Variants in ZBTB17 observed in about 807,000 individuals in gnomAD.
ZBTB17 encodes the protein zinc finger and BTB domain-containing protein 17.
In ZBTB17, 24 loss-of-function variants were observed where a neutral mutation model predicts 85.1. The observed-to-expected ratio is 0.28, with a 90% CI of 0.20 to 0.40. ZBTB17 has a LOEUF of 0.40. Ranked by LOEUF, ZBTB17 falls within the 10% of genes least tolerant of loss-of-function variation. The pLI is 1.00. For missense variants in ZBTB17, 743 were observed against 1,105.1 expected, an observed-to-expected ratio of 0.67 and a Z score of 4.65; for synonymous variants, 464 against 460.2, an observed-to-expected ratio of 1.01 and a Z score of -0.11.
intron 2 of ZBTB17, among the ~76,000 whole-genome samples, chr1:15,967,548 G>C (rs566422083): frequency 6.6e-6 from 1 of 151,992 alleles, no homozygotes; most frequent in Non-Finnish European, 1.5e-5. Flanking sequence ...GGAGGAGAGG[G>C]GGGTAACTTA....
At chr1:15,948,253 G>T in intron 3 of ZBTB17, 38 bp downstream of exon 3, 1 of 1,611,632 alleles carries the variant, frequency 6.2e-7, no homozygotes, top group South Asian at 1.1e-5. Context: ...CATAGCTTCT[G>T]GCTATCAGCA....
chr1:15,960,789 G>A (rs2072231191), intron 2 of ZBTB17, among the ~76,000 whole-genome samples: 1 of 152,234 alleles, frequency 6.6e-6, no homozygotes, highest in Non-Finnish European at 1.5e-5. Flanking sequence ...AACTGGAAAT[G>A]GATGTAGCTG....
In ZBTB17 at chr1:15,944,485, C is replaced by T. The variant is rs556511225; in HGVS notation, c.1186G>A (p.Gly396Ser). The change falls in exon 9 of 16, where the codon GGC becomes AGC. Residue 396 changes from glycine to serine, a missense_variant. This residue lies in a region of ZBTB17 where 321 missense variants were observed against 615.7 expected (regional missense o/e 0.52). Coordinates refer to ENST00000375743, the MANE Select transcript of ZBTB17 (RefSeq NM_003443.3). Reference protein sequence around the residue: ...GEARYRCEDCGKLFTTSGNLK... With the variant: ...GEARYRCEDCSKLFTTSGNLK... ...TTGCCCGAGGTGGTGAAGAGCTTGC[C>T]GCAGTCCTCGCAGCGGTAGCGCGCC... 31 of 1,576,724 alleles carry T rather than the reference C, an allele frequency of 2.0e-5. No individual in the cohort carries two copies. Among genetic ancestry groups the T allele is most frequent in the Middle Eastern group, 1.7e-4 (1 of 5,746 alleles).
Position 15,942,430 on chromosome 1 carries a change from G to A in ZBTB17, c.2039-10C>T. On this transcript the variant is annotated splice_polypyrimidine_tract_variant and intron_variant, in intron 14 of 15. Coordinates refer to ENST00000375743, the MANE Select transcript of ZBTB17 (RefSeq NM_003443.3). ...GCTCCCACCGGCACCACTGCGGGCA[G>A]AGTCGCAGGGCCTAAGGTGAAGGCA... is the stretch of plus-strand genomic sequence containing the variant. 4 of 1,613,066 alleles carry A rather than the reference G, an allele frequency of 2.5e-6. No homozygotes were observed.
Position 15,952,810 on chromosome 1 carries a change from C to T in ZBTB17, c.-2-4313G>A, listed in dbSNP as rs958297415. Reference sequence around the variant, plus strand: ...GCGAGGGACACACTTTCCTGGACCTCCCAGCCCAGCTGTGCGCTGCTGCAC... The same window carrying T: ...GCGAGGGACACACTTTCCTGGACCTTCCAGCCCAGCTGTGCGCTGCTGCAC... On this transcript the variant is annotated intron_variant, in intron 2 of 15. Transcript: ENST00000375743. The surrounding 1 kb of genome is among the most constrained non-coding windows in gnomAD (Gnocchi z 4.3). 2.0e-5 allele frequency: 3 copies of T among 152,408 alleles called. No individual in the cohort carries two copies. Among genetic ancestry groups the T allele is most frequent in the African/African-American group, 7.2e-5 (3 of 41,468 alleles). 9.4% of individuals were successfully genotyped at this position (152,408 alleles called of 1,614,324 possible). A position where few individuals can be genotyped will look rare whatever the true frequency, so the allele number is the denominator to read the frequency against.
At chr1:15,955,286 A>C (rs1018468785) in intron 2 of ZBTB17, among the ~76,000 whole-genome samples, 1 of 152,246 alleles carries the variant, frequency 6.6e-6, no homozygotes, top group South Asian at 2.1e-4. Flanking sequence ...TATCCCTTTG[A>C]GTGCAAGACA....
At chr1:15,949,112 C>T (rs562881879) in intron 2 of ZBTB17, among the ~76,000 whole-genome samples, 59 of 152,232 alleles carry the variant, frequency 3.9e-4, no homozygotes, top group African/African-American at 1.3e-3. Flanking sequence ...CCTAGAGTTG[C>T]GGAGTCTTCT....
At chr1:15,955,078 C>T (rs57680346) in intron 2 of ZBTB17, among the ~76,000 whole-genome samples, 9,498 of 152,162 alleles carry the variant, frequency 0.062, 385 homozygotes, top group Non-Finnish European at 0.082. Flanking sequence ...CACTTGAACC[C>T]GGGAGGCGGA....
In ZBTB17 at chr1:15,952,749, G is replaced by A. The variant is rs2071907986; in HGVS notation, c.-2-4252C>T. On this transcript the variant is annotated intron_variant, in intron 2 of 15. Coordinates refer to ENST00000375743, the MANE Select transcript of ZBTB17 (RefSeq NM_003443.3). This position sits in a 1 kb window ranked among gnomAD's most constrained non-coding sequence, Gnocchi z 4.3. Reference sequence around the variant, plus strand: ...CTCTGGGGAGAGGGCACATGGAGAAGAGCAGAGAGGCCACTGACAGCACCA... The same window carrying A: ...CTCTGGGGAGAGGGCACATGGAGAAAAGCAGAGAGGCCACTGACAGCACCA... 1.3e-5 allele frequency among the ~76,000 whole-genome samples: 2 copies of A among 152,246 alleles called. No individual in the cohort carries two copies. The highest frequency in any genetic ancestry group is 1.9e-4 in the East Asian group (1 of 5,202).
Position 15,942,716 on chromosome 1 carries a change from A to G in ZBTB17, c.1851T>C (p.Asp617=). The part of the protein sequence containing the change: ...IHTGEKPYLC[D]KCGRGFNRVD... ...CCCGGTTGAAGCCACGCCCACACTT[A>G]TCACACAGGTAAGGCTTCTCTCCTG... The change falls in exon 14 of 16, where the codon GAT becomes GAC. Residue 617 remains aspartate, a synonymous_variant. Coordinates refer to ENST00000375743, the MANE Select transcript of ZBTB17 (RefSeq NM_003443.3). The G allele has an allele frequency of 6.2e-7, 1 of 1,613,482 alleles. No individual in the cohort carries two copies. Among genetic ancestry groups the G allele is most frequent in the Non-Finnish European group, 8.5e-7 (1 of 1,180,018 alleles).
intron 2 of ZBTB17, among the ~76,000 whole-genome samples, chr1:15,958,229 A>G (rs1225180639): frequency 2.6e-5 from 4 of 152,204 alleles, no homozygotes; most frequent in African/African-American, 9.7e-5. Context: ...CAGCTCTGTG[A>G]CTGAAACACA....
At chr1:15,944,100 C>T in intron 9 of ZBTB17, 200 bp downstream of exon 9, 2 of 1,013,540 alleles carry the variant, frequency 2.0e-6, no homozygotes, top group Non-Finnish European at 3.0e-6. Context: ...CAAACCCCGC[C>T]CTGAGTCGGC....
rs1328918743 is a variant in ZBTB17 at position 15,942,122 on chromosome 1, G to C, written c.2259C>G (p.Phe753Leu). The change falls in exon 16 of 16, where the codon TTC becomes TTG. Residue 753 changes from phenylalanine to leucine, a missense_variant. Phe to Leu is a conservative substitution (Grantham distance 22). Around this residue, in one of 4 missense-constraint regions of ZBTB17, gnomAD observed 69 missense variants for 77.0 expected, o/e 0.90. Transcript: ENST00000375743. ...ALVMFQTDAD[F>L]YQQYGPGGTW... ...TGCCACCTGGCCCATACTGCTGATA[G>C]AAGTCCGCGTCTGTCTGGAACATGA... The C allele has an allele frequency of 1.9e-6, 3 of 1,613,352 alleles. No homozygotes were observed. Among genetic ancestry groups the C allele is most frequent in the Admixed American group, 1.7e-5 (1 of 60,004 alleles).
chr1:15,947,232 T>C, intron 3 of ZBTB17, 109 bp from the exon 4 acceptor site: 1 of 1,167,518 alleles, frequency 8.6e-7, no homozygotes, highest in African/African-American at 1.5e-5. Context: ...AACAGCTGAG[T>C]GGCAAGCCTG....
chr1:15,967,188 C>T (rs1225334580), intron 2 of ZBTB17, among the ~76,000 whole-genome samples: 1 of 151,930 alleles, frequency 6.6e-6, no homozygotes. Flanking sequence ...CCAGCCTGGG[C>T]AACGTGGCGA....
chr1:15,949,572 CT>C (rs1284937653), intron 2 of ZBTB17, among the ~76,000 whole-genome samples: 2 of 152,250 alleles, frequency 1.3e-5, no homozygotes, highest in Admixed American at 1.3e-4. Context: ...TCTCTGAGGC[CT>C]GAGTCTGCAC....
At position 15,948,759 on chromosome 1, in the gene ZBTB17, G is replaced by A. The variant is rs182537461; in HGVS notation, c.-2-262C>T. On this transcript the variant is annotated intron_variant, in intron 2 of 15. Coordinates refer to ENST00000375743, the MANE Select transcript of ZBTB17 (RefSeq NM_003443.3). ...AGCACTGGGGCACCAACACGAGGCA[G>A]CCGCCTCCGTATTCAGCCTGATAAT... Among the ~76,000 whole-genome samples the A allele has an allele frequency of 7.5e-4, 114 of 152,318 alleles. 1 individual carries two copies. Among genetic ancestry groups the A allele is most frequent in the African/African-American group, 2.6e-3 (109 of 41,560 alleles).
At position 15,945,793 on chromosome 1, in the gene ZBTB17, C is replaced by CA; in HGVS notation, c.582dup (p.Val195CysfsTer17). 1 of 1,604,600 alleles carries CA rather than the reference C, an allele frequency of 6.2e-7. No homozygotes were observed. Among genetic ancestry groups the CA allele is most frequent in the Non-Finnish European group, 8.5e-7 (1 of 1,179,286 alleles). On this transcript the variant is annotated frameshift_variant, in exon 6 of 16. Coordinates refer to ENST00000375743, the MANE Select transcript of ZBTB17 (RefSeq NM_003443.3). LOFTEE classifies it high-confidence loss of function. ...CTCGTGGGGTCTGGCTTGAGCTCCA[C>CA]AGGCGGCGGCTCCCGGGGCGCATCG...
At position 15,942,085 on chromosome 1, in the gene ZBTB17, C is replaced by T. The variant is rs764218570; in HGVS notation, c.2296G>A (p.Gly766Arg). The T allele has an allele frequency of 2.8e-5, 45 of 1,613,046 alleles. No homozygotes were observed. Among genetic ancestry groups the T allele is most frequent in the Non-Finnish European group, 3.6e-5 (42 of 1,180,040 alleles). Residue 766 changes from glycine (G) to arginine (R), a missense_variant, in exon 16 of 16, where the codon GGG becomes AGG. By Grantham distance (125) the Gly-to-Arg change is moderately radical (BLOSUM62 -2). Transcript: ENST00000375743. ...QYGPGGTWPA[G>R]QVLQAGELVF... ...AGCTCCCCAGCCTGCAGCACCTGCC[C>T]GGCAGGCCACGTGCCACCTGGCCCA...
Sources: gnomAD v4.1 joint callset for allele counts (sites outside exome capture counted in the v4.1 genomes callset) on GRCh38, gnomAD v4.1.1 for gene constraint, gnomAD v4.1.1 regional missense constraint, Gnocchi (gnomAD v3.1) non-coding constraint, MANE v1.5 for transcripts, NCBI Gene and HGNC (gene_info 2026-07-23, HGNC 2026-07-21) for gene names.